HDX: variants seen among roughly 807,000 people sequenced by gnomAD.
The protein encoded by HDX is highly divergent homeobox.
HDX carries 19 observed loss-of-function variants against 45.2 expected under a neutral mutation model. That is an observed-to-expected ratio of 0.42 (90% confidence interval 0.29 to 0.62). The LOEUF is 0.62. Ranked by LOEUF, HDX falls within the 20% of genes least tolerant of loss-of-function variation. The pLI is 0.20. For synonymous variants in HDX, 188 were observed against 172.8 expected (o/e 1.09, Z -0.69); for missense variants, 532 against 493.9 (o/e 1.08, Z -0.73).
At chrX:84,359,075 G>A (rs1432594608) in intron 6 of HDX, among the ~76,000 whole-genome samples, 1 of 110,691 alleles carries the variant, frequency 9.0e-6, no homozygotes. Context: ...TTTCCTTAAA[G>A]AATTGATTGC....
chrX:84,394,248 T>A (rs1379978561), intron 5 of HDX, among the ~76,000 whole-genome samples: 1 of 111,871 alleles, frequency 8.9e-6, no homozygotes, highest in African/African-American at 3.2e-5. Context: ...AATTTCTTTA[T>A]TGATCCAATA....
intron 2 of HDX, among the ~76,000 whole-genome samples, chrX:84,479,083 C>T (rs2040615303): frequency 9.0e-6 from 1 of 111,682 alleles, no homozygotes; most frequent in African/African-American, 3.3e-5. Flanking sequence ...TTATTCACTT[C>T]TAAACTTACA....
chrX:84,378,463 G>A (rs761657308), intron 5 of HDX, among the ~76,000 whole-genome samples: 50 of 111,237 alleles, frequency 4.5e-4, no homozygotes, highest in Non-Finnish European at 8.3e-4. Flanking sequence ...GACATAGACA[G>A]TACAATAAAG....
At chrX:84,334,247 A>C (rs141723722) in intron 8 of HDX, among the ~76,000 whole-genome samples, 1,928 of 110,942 alleles carry the variant, frequency 0.017, 37 homozygotes, top group African/African-American at 0.06. Context: ...TGTGACTTCT[A>C]ATGTAAAATG....
chrX:84,426,651 T>C (rs2039390038), intron 5 of HDX, among the ~76,000 whole-genome samples: 1 of 110,030 alleles, frequency 9.1e-6, no homozygotes, highest in Non-Finnish European at 1.9e-5. Flanking sequence ...GTGGGGGATA[T>C]GGGGGAAATG....
intron 7 of HDX, among the ~76,000 whole-genome samples, chrX:84,337,289 CATT>C (rs938897527): frequency 4.5e-5 from 5 of 110,853 alleles, no homozygotes; most frequent in African/African-American, 1.6e-4. Context: ...ATACATATAA[CATT>C]AATTTTATTT....
intron 9 of HDX, among the ~76,000 whole-genome samples, chrX:84,327,173 C>G (rs956194830): frequency 9.0e-6 from 1 of 111,569 alleles, no homozygotes; most frequent in African/African-American, 3.3e-5. Context: ...ATCAGTTACT[C>G]TTTACTATTT....
At chrX:84,380,226 G>C (rs1335206332) in intron 5 of HDX, among the ~76,000 whole-genome samples, 1 of 101,142 alleles carries the variant, frequency 9.9e-6, no homozygotes, top group East Asian at 4.0e-4. Context: ...GCTGTAATAA[G>C]AAAGCCTCCC....
intron 6 of HDX, among the ~76,000 whole-genome samples, chrX:84,355,116 G>A (rs2037451099): frequency 1.9e-5 from 2 of 107,448 alleles, no homozygotes; most frequent in African/African-American, 3.4e-5. Context: ...CCATTTCAAG[G>A]CATTTCAAAT....
At chrX:84,449,365 A>G (rs2039946624) in intron 4 of HDX, among the ~76,000 whole-genome samples, 1 of 111,887 alleles carries the variant, frequency 8.9e-6, no homozygotes, top group Non-Finnish European at 1.9e-5. Context: ...ATGGCATAAT[A>G]CAGTAAAACT....
At chrX:84,454,134 AGCACATTCCCAGCTGTTGTGG>A (rs1278640190) in intron 4 of HDX, among the ~76,000 whole-genome samples, 2 of 111,717 alleles carry the variant, frequency 1.8e-5, no homozygotes, top group Non-Finnish European at 1.9e-5. Flanking sequence ...GTTGTGAACA[AGCACATTCCCAGCTGTTGTGG>A]GCATGGGGAA....
intron 3 of HDX, among the ~76,000 whole-genome samples, chrX:84,470,726 TTAG>T (rs1335076922): frequency 1.2e-3 from 131 of 111,936 alleles, no homozygotes; most frequent in African/African-American, 4.1e-3. Flanking sequence ...TATAATTATC[TTAG>T]TATTATTTTT....
At chrX:84,340,776 G>A (rs980703490) in intron 7 of HDX, among the ~76,000 whole-genome samples, 1 of 111,127 alleles carries the variant, frequency 9.0e-6, no homozygotes, top group Non-Finnish European at 1.9e-5. Context: ...AGAATGAAAA[G>A]GTTACCATGC....
chrX:84,496,974 G>C (rs1448995813), intron 1 of HDX, among the ~76,000 whole-genome samples: 1 of 111,194 alleles, frequency 9.0e-6, no homozygotes, highest in Non-Finnish European at 1.9e-5. Context: ...GATGGAAAAT[G>C]ACTGGATCAT....
At chrX:84,446,492 G>T (rs2039875855) in intron 4 of HDX, among the ~76,000 whole-genome samples, 1 of 111,269 alleles carries the variant, frequency 9.0e-6, no homozygotes, top group Non-Finnish European at 1.9e-5. Context: ...TCTTTTCTTT[G>T]CATATGACTA....
At chrX:84,497,607 T>C (rs1337007534) in intron 1 of HDX, among the ~76,000 whole-genome samples, 1 of 105,578 alleles carries the variant, frequency 9.5e-6, no homozygotes, top group East Asian at 3.0e-4. Context: ...TCATCTCCAC[T>C]AAGGAAAAAA....
intron 5 of HDX, among the ~76,000 whole-genome samples, chrX:84,371,855 G>A (rs904722431): frequency 1.4e-4 from 16 of 111,619 alleles, no homozygotes; most frequent in Non-Finnish European, 3.0e-4. Flanking sequence ...AGCAATCTGC[G>A]GCAAGCTCCT....
intron 1 of HDX, among the ~76,000 whole-genome samples, chrX:84,496,873 T>C (rs1262233051): frequency 9.0e-6 from 1 of 111,570 alleles, no homozygotes; most frequent in African/African-American, 3.3e-5. Context: ...CTTCCAATTG[T>C]TGCTTTGTTG....
intron 4 of HDX, among the ~76,000 whole-genome samples, chrX:84,460,044 A>G (rs1368753141): frequency 9.0e-6 from 1 of 111,597 alleles, no homozygotes; most frequent in Non-Finnish European, 1.9e-5. Context: ...CAGCAATAAC[A>G]AAAAGTCTCC....
Sources: allele counts gnomAD v4.1 joint callset (sites outside exome capture counted in the v4.1 genomes callset), GRCh38; gene constraint gnomAD v4.1.1; transcripts MANE v1.5; gene names NCBI Gene and HGNC (gene_info 2026-07-23, HGNC 2026-07-21).